The following CTNNA2 variants were observed in gnomAD, a reference collection of about 807,000 sequenced individuals.
CTNNA2 encodes the protein catenin alpha 2, also known as catenin alpha-2.
CTNNA2 carries 42 observed loss-of-function variants against 101.0 expected under a neutral mutation model. The ratio of observed to expected loss-of-function variants is 0.42; its 90% CI spans 0.32 to 0.54. The LOEUF is 0.54. Ranked by LOEUF, CTNNA2 falls within the 20% of genes least tolerant of loss-of-function variation. The pLI is 0.14. For missense variants in CTNNA2, 871 were observed against 1,223.1 expected, an observed-to-expected ratio of 0.71 and a Z score of 4.29; for synonymous variants, 450 against 456.4, an observed-to-expected ratio of 0.99 and a Z score of 0.18.
At chr2:79,991,831 G>A (rs1692204791) in intron 7 of CTNNA2, among the ~76,000 whole-genome samples, 1 of 152,132 alleles carries the variant, frequency 6.6e-6, no homozygotes, top group Non-Finnish European at 1.5e-5. Context: ...GATGATTTGA[G>A]GAGTGCCACA....
At chr2:79,956,378 A>G (rs372998463) in intron 7 of CTNNA2, among the ~76,000 whole-genome samples, 4 of 152,162 alleles carry the variant, frequency 2.6e-5, no homozygotes, top group South Asian at 4.1e-4. Flanking sequence ...ACCTTAGGAC[A>G]ATATTTACGT....
chr2:79,803,032 G>A (rs1676286868), intron 3 of CTNNA2, among the ~76,000 whole-genome samples: 2 of 152,064 alleles, frequency 1.3e-5, no homozygotes, highest in South Asian at 2.1e-4. Flanking sequence ...AAAAATGCAA[G>A]CTTTTTAATA....
intron 3 of CTNNA2, among the ~76,000 whole-genome samples, chr2:79,322,392 G>A (rs778467532): frequency 3.3e-5 from 5 of 152,196 alleles, no homozygotes; most frequent in South Asian, 4.1e-4. Flanking sequence ...TTATACATCC[G>A]TATATATATG....
intron 2 of CTNNA2, among the ~76,000 whole-genome samples, chr2:79,721,883 T>G (rs1686513196): frequency 1.3e-5 from 2 of 152,194 alleles, no homozygotes; most frequent in East Asian, 3.8e-4. Context: ...AAATGTATTA[T>G]GTAATACAGT....
At chr2:79,786,227 G>C (rs1674831949) in intron 3 of CTNNA2, among the ~76,000 whole-genome samples, 1 of 152,010 alleles carries the variant, frequency 6.6e-6, no homozygotes, top group African/African-American at 2.4e-5. Context: ...AGAATAGTAA[G>C]TAGACATGGT....
intron 2 of CTNNA2, among the ~76,000 whole-genome samples, chr2:79,260,028 T>A (rs1674899909): frequency 6.6e-6 from 1 of 152,158 alleles, no homozygotes; most frequent in African/African-American, 2.4e-5. Flanking sequence ...CTCTGGTAGA[T>A]GTTTTCCCAC....
At chr2:80,105,537 A>AACAT (rs1573094611) in intron 7 of CTNNA2, among the ~76,000 whole-genome samples, 1 of 152,302 alleles carries the variant, frequency 6.6e-6, no homozygotes, top group East Asian at 1.9e-4. Flanking sequence ...CAGCCTGGGC[A>AACAT]ACATAGTGAG....
chr2:80,616,433 A>T (rs545087618), intron 17 of CTNNA2: 23 of 151,822 alleles, frequency 1.5e-4, no homozygotes, highest in African/African-American at 5.5e-4. Context: ...GTCTTCCATG[A>T]TGAATGCATC....
At chr2:79,527,445 C>A (rs1218728955) in intron 1 of CTNNA2, among the ~76,000 whole-genome samples, 1 of 131,220 alleles carries the variant, frequency 7.6e-6, no homozygotes, top group Non-Finnish European at 1.5e-5. Context: ...TCCTGGCCAA[C>A]ATGGTGAGAC....
At chr2:79,537,595 T>C (rs1004721547) in intron 1 of CTNNA2, among the ~76,000 whole-genome samples, 1 of 152,180 alleles carries the variant, frequency 6.6e-6, no homozygotes, top group South Asian at 2.1e-4. Flanking sequence ...CAAATCCGTC[T>C]TGGTAATCAG....
rs1363523543 is a variant in CTNNA2, at chr2:80,374,813, C to T, written c.1057-18398C>T. Among the ~76,000 whole-genome samples, 5 of 151,822 alleles carry T rather than the reference C, an allele frequency of 3.3e-5. No individual in the cohort carries two copies. The South Asian group carries it at 8.3e-4, about 25-fold the overall frequency. On this transcript the variant is annotated intron_variant, in intron 7 of 18. Transcript: ENST00000402739. ...TTAACTTAATTACCTCTTTAAAGGTCGTATCGCCCAAATATAGTCACATTC... is the reference window on the plus strand; with the variant it reads ...TTAACTTAATTACCTCTTTAAAGGTTGTATCGCCCAAATATAGTCACATTC...
At chr2:80,607,120 G>T (rs891437712) in intron 16 of CTNNA2, among the ~76,000 whole-genome samples, 5 of 151,844 alleles carry the variant, frequency 3.3e-5, no homozygotes, top group African/African-American at 1.2e-4. Flanking sequence ...ATTGATAAAA[G>T]AATTTCCTTT....
chr2:80,387,598 G>C (rs13419942), intron 7 of CTNNA2, among the ~76,000 whole-genome samples: 41,989 of 152,056 alleles, frequency 0.28, 9,720 homozygotes, highest in African/African-American at 0.64. Flanking sequence ...ATTGTAAAAA[G>C]AGAAATTTCT....
chr2:80,574,344 G>T, intron 13 of CTNNA2, 30 bp downstream of exon 13: 1 of 1,550,720 alleles, frequency 6.4e-7, no homozygotes, highest in South Asian at 1.2e-5. Context: ...CTCAGAGCTG[G>T]TCAGATCTCC....
chr2:80,554,031 G>T (rs1692809299), intron 11 of CTNNA2, among the ~76,000 whole-genome samples: 1 of 152,228 alleles, frequency 6.6e-6, no homozygotes, highest in Middle Eastern at 3.4e-3. Flanking sequence ...TTAAAGAAAT[G>T]GAGAATGTAG....
intron 1 of CTNNA2, among the ~76,000 whole-genome samples, chr2:79,631,850 T>C (rs1679719542): frequency 6.6e-6 from 1 of 152,196 alleles, no homozygotes; most frequent in Non-Finnish European, 1.5e-5. Context: ...CTTTTGTGGT[T>C]ATTAGTATTG....
chr2:79,934,991 C>T (rs2104435637), intron 7 of CTNNA2, among the ~76,000 whole-genome samples: 1 of 152,268 alleles, frequency 6.6e-6, no homozygotes. Flanking sequence ...AGATCCTTAA[C>T]AAGTTATACA....
At chr2:79,786,331 A>G (rs1477311672) in intron 3 of CTNNA2, among the ~76,000 whole-genome samples, 2 of 152,150 alleles carry the variant, frequency 1.3e-5, no homozygotes, top group Non-Finnish European at 2.9e-5. Context: ...GCAGAACTTC[A>G]GCTGATAAAT....
rs188607643 is a variant in CTNNA2 at position 79,848,277 on chromosome 2, A to G, written c.299-9736A>G. Among the ~76,000 whole-genome samples the G allele has an allele frequency of 5.8e-4, 88 of 152,224 alleles. No homozygotes were observed. In the Middle Eastern group the frequency reaches 0.024, roughly 41 times the overall value. ...CATTCCATCAGTGTATCTTCCCTTT[A>G]TGTGTAAAAATATTGAACAAAATTG... On this transcript the variant is annotated intron_variant, in intron 3 of 18. Coordinates refer to ENST00000402739, the MANE Select transcript of CTNNA2 (RefSeq NM_001282597.3).
Sources: allele counts gnomAD v4.1 joint callset (sites outside exome capture counted in the v4.1 genomes callset), GRCh38; gene constraint gnomAD v4.1.1; transcripts MANE v1.5; gene names NCBI Gene and HGNC (gene_info 2026-07-23, HGNC 2026-07-21).